Variants in SERPINB9 observed in about 807,000 individuals in gnomAD.
SERPINB9 encodes serpin B9.
SERPINB9 carries 20 observed loss-of-function variants against 27.2 expected under a neutral mutation model. That is an observed-to-expected ratio of 0.74 (90% CI 0.52 to 1.07). The LOEUF is 1.07. Ranked by LOEUF, SERPINB9 falls within the 50% of genes least tolerant of loss-of-function variation. The pLI, the probability that SERPINB9 is intolerant of heterozygous loss-of-function variation, is 0.00. For synonymous variants in SERPINB9, 189 were observed against 180.0 expected (o/e 1.05, Z -0.40); for missense variants, 476 against 460.1 (o/e 1.03, Z -0.32).
At position 2,890,154 on chromosome 6, in the gene SERPINB9, G is replaced by C; in HGVS notation, c.*9C>G. On this transcript the variant is annotated 3_prime_UTR_variant, in exon 7 of 7. Transcript: ENST00000380698. This position sits in a 1 kb window ranked among gnomAD's most constrained non-coding sequence, Gnocchi z 6.2. ...AGGGAAATGGCCGAGTGCACGGTAAGTGCACCCTTTATGGCGATGAGAACC... is the reference window on the plus strand; with the variant it reads ...AGGGAAATGGCCGAGTGCACGGTAACTGCACCCTTTATGGCGATGAGAACC... 1 of 1,608,216 alleles carries C rather than the reference G, an allele frequency of 6.2e-7. No individual in the cohort carries two copies. Among genetic ancestry groups the C allele is most frequent in the Non-Finnish European group, 8.5e-7 (1 of 1,175,854 alleles).
chr6:2,897,545 T>C (rs996052854), intron 2 of SERPINB9, among the ~76,000 whole-genome samples: 1 of 152,220 alleles, frequency 6.6e-6, no homozygotes, highest in Non-Finnish European at 1.5e-5. Flanking sequence ...ATGGGTGATA[T>C]ATATTAGACC....
rs45611440 is a variant in SERPINB9 at position 2,895,577 on chromosome 6, C to A, written c.307-69G>T. 2,438 of 908,854 alleles carry A rather than the reference C, an allele frequency of 2.7e-3. 5 individuals are homozygous for A. Among genetic ancestry groups the A allele is most frequent in the Non-Finnish European group, 3.9e-3 (2,211 of 563,496 alleles). The allele number at this position is 908,854 out of a possible 1,614,324, so 56.3% of individuals were successfully genotyped here. On this transcript the variant is annotated intron_variant, in intron 3 of 6. Transcript: ENST00000380698. ...AAATGTCAGCAAACTTCCAAAAATTCTAAATATGTTATCTTTTTTTAATAA... is the reference window on the plus strand; with the variant it reads ...AAATGTCAGCAAACTTCCAAAAATTATAAATATGTTATCTTTTTTTAATAA...
intron 2 of SERPINB9, among the ~76,000 whole-genome samples, chr6:2,899,150 AG>A (rs375997927): frequency 3.9e-5 from 6 of 152,164 alleles, no homozygotes; most frequent in African/African-American, 1.4e-4. Flanking sequence ...CTCTCAAAAA[AG>A]CTTTCTATAA....
Position 2,890,513 on chromosome 6 carries a change from T to C in SERPINB9, c.781A>G (p.Lys261Glu), listed in dbSNP as rs1295233725. 1.9e-6 allele frequency: 3 copies of C among 1,614,160 alleles called. No homozygotes were observed. Among genetic ancestry groups the C allele is most frequent in the Middle Eastern group, 1.6e-4 (1 of 6,062 alleles). Residue 261 changes from lysine to glutamate, a missense_variant, in exon 7 of 7, where the codon AAG becomes GAG. By Grantham distance (56) the Lys-to-Glu change is moderately conservative. Coordinates refer to ENST00000380698, the MANE Select transcript of SERPINB9 (RefSeq NM_004155.6). This position sits in a 1 kb window ranked among gnomAD's most constrained non-coding sequence, Gnocchi z 6.2. ...AGGAGAACTTCAACCTCAGTACTCT[T>C]CATACAGTCTGGCTTGGTCCAGGCT... ...LTAWTKPDCM[K>E]STEVEVLLPK...
At chr6:2,900,327 A>T in intron 2 of SERPINB9, 117 bp downstream of exon 2, 1 of 1,279,430 alleles carries the variant, frequency 7.8e-7, no homozygotes, top group Non-Finnish European at 1.1e-6. Context: ...CGGCCAGTGC[A>T]CACTCGGGCC....
chr6:2,900,053 A>G, intron 2 of SERPINB9: 1 of 389,282 alleles, frequency 2.6e-6, no homozygotes. Context: ...ACAACTTGAA[A>G]CAGGTATTAA....
intron 3 of SERPINB9, 53 bp downstream of exon 3, chr6:2,896,000 A>G: frequency 1.3e-6 from 2 of 1,549,698 alleles, no homozygotes; most frequent in South Asian, 1.2e-5. Flanking sequence ...CCCAGACTCT[A>G]TATCACCAGG....
At chr6:2,902,369 C>G (rs1472635167) in intron 1 of SERPINB9, among the ~76,000 whole-genome samples, 1 of 152,198 alleles carries the variant, frequency 6.6e-6, no homozygotes, top group East Asian at 1.9e-4. Context: ...GCTCTGCAGG[C>G]GAGCGCTGAG....
rs754045074 is a variant in SERPINB9 at position 2,896,092 on chromosome 6, G to A, written c.267C>T (p.Ala89=). The change falls in exon 3 of 7, where the codon GCC becomes GCT. Residue 89 remains alanine, a synonymous_variant. Transcript: ENST00000380698. ...KAGTQYLLRT[A]NRLFGEKTCQ... ...AAGTTTTCTCTCCAAAGAGCCTGTT[G>A]GCCGTTCTCAGCAGGTACTGTGTGC... 7 of 1,613,914 alleles carry A rather than the reference G, an allele frequency of 4.3e-6. No individual in the cohort carries two copies. The South Asian group carries it at 7.7e-5, about 18-fold the overall frequency.
chr6:2,900,115 G>T, intron 2 of SERPINB9: 1 of 388,538 alleles, frequency 2.6e-6, no homozygotes, highest in South Asian at 2.4e-5. Flanking sequence ...CCAAAAAAGA[G>T]GTAGTTCTTT....
Position 2,893,520 on chromosome 6 carries a change from A to G in SERPINB9, c.458T>C (p.Ile153Thr), listed in dbSNP as rs144457124. The change falls in exon 5 of 7, where the codon ATT (isoleucine) becomes ACT (threonine). Residue 153 changes from isoleucine (I) to threonine (T), a missense_variant. Transcript: ENST00000380698. ...KIEELLPGSS[I>T]DAETRLVLVN... Reference sequence around the variant, plus strand: ...AAGAACCAGCCTGGTTTCTGCATCAATTGAGCTACCCGGCAACAACTCTTC... The same window carrying G: ...AAGAACCAGCCTGGTTTCTGCATCAGTTGAGCTACCCGGCAACAACTCTTC... 1.6e-4 allele frequency: 265 copies of G among 1,612,846 alleles called. No homozygotes were observed. The highest frequency in any genetic ancestry group is 1.0e-3 in the African/African-American group (76 of 74,992).
At position 2,896,074 on chromosome 6, in the gene SERPINB9, C is replaced by A; in HGVS notation, c.285G>T (p.Glu95Asp). ...TTACTGAGAGGAACTGACAAGTTTT[C>A]TCTCCAAAGAGCCTGTTGGCCGTTC... ...LLRTANRLFG[E>D]KTCQFLSTFK... Residue 95 changes from glutamate (E) to aspartate (D), a missense_variant, in exon 3 of 7, where the codon GAG (glutamate) becomes GAT (aspartate). By Grantham distance (45) the Glu-to-Asp change is conservative. Transcript: ENST00000380698. The A allele has an allele frequency of 6.2e-7, 1 of 1,613,134 alleles. No individual in the cohort carries two copies. Among genetic ancestry groups the A allele is most frequent in the Non-Finnish European group, 8.5e-7 (1 of 1,179,790 alleles).
intron 2 of SERPINB9, among the ~76,000 whole-genome samples, chr6:2,897,677 A>G (rs76620466): frequency 0.015 from 2,256 of 152,288 alleles, 53 homozygotes; most frequent in African/African-American, 0.051. Context: ...CTCCCAAGGA[A>G]TTTTGGGACA....
At chr6:2,899,036 C>T (rs572497404) in intron 2 of SERPINB9, among the ~76,000 whole-genome samples, 5 of 152,082 alleles carry the variant, frequency 3.3e-5, no homozygotes, top group Non-Finnish European at 7.4e-5. Flanking sequence ...CAGGTAGCAA[C>T]GTGTACTCAG....
intron 1 of SERPINB9, among the ~76,000 whole-genome samples, chr6:2,902,236 C>G (rs1380898866): frequency 6.6e-6 from 1 of 152,168 alleles, no homozygotes; most frequent in East Asian, 1.9e-4. Flanking sequence ...ACACCGCGGC[C>G]CGGAGGCTCT....
rs377356925 is a variant in SERPINB9, at chr6:2,890,604, C to T, written c.724-34G>A. The T allele has an allele frequency of 8.2e-5, 129 of 1,577,838 alleles. No homozygotes were observed. Among genetic ancestry groups the T allele is most frequent in the Admixed American group, 1.6e-4 (9 of 57,010 alleles). ...CCAGAATTAGACTTTAAGATTCCGA[C>T]TTCAGTGCACATGTACAAGCGCACA... On this transcript the variant is annotated intron_variant, in intron 6 of 6. Transcript: ENST00000380698. This position sits in a 1 kb window ranked among gnomAD's most constrained non-coding sequence, Gnocchi z 6.2.
At chr6:2,902,373 C>T (rs3799228) in intron 1 of SERPINB9, among the ~76,000 whole-genome samples, 1 of 152,132 alleles carries the variant, frequency 6.6e-6, no homozygotes, top group Non-Finnish European at 1.5e-5. Context: ...TGCAGGCGAG[C>T]GCTGAGCCTG....
chr6:2,898,958 T>C lies in SERPINB9; in HGVS notation c.168+1486A>G, dbSNP rs573556216. 2.6e-5 allele frequency among the ~76,000 whole-genome samples: 4 copies of C among 152,332 alleles called. No individual in the cohort carries two copies. The East Asian group carries it at 5.8e-4, about 22-fold the overall frequency. On this transcript the variant is annotated intron_variant, in intron 2 of 6. Coordinates refer to ENST00000380698, the MANE Select transcript of SERPINB9 (RefSeq NM_004155.6). ...TTTTATAGTGGACTTTTACCAGTTA[T>C]ATAATGAAGGAAAAATAAATAATTC... is the stretch of plus-strand genomic sequence containing the variant.
intron 5 of SERPINB9, among the ~76,000 whole-genome samples, chr6:2,893,122 A>C (rs1322830861): frequency 7.9e-6 from 1 of 126,918 alleles, no homozygotes; most frequent in African/African-American, 3.2e-5. Context: ...AGTTTCCAAA[A>C]CTAGGTGGCA....
Sources: gnomAD v4.1 joint callset for allele counts (sites outside exome capture counted in the v4.1 genomes callset) on GRCh38, gnomAD v4.1.1 for gene constraint, Gnocchi (gnomAD v3.1) non-coding constraint, MANE v1.5 for transcripts, NCBI Gene and HGNC (gene_info 2026-07-23, HGNC 2026-07-21) for gene names.